The following KCNQ5 variants were observed in gnomAD, a reference collection of about 807,000 sequenced individuals.
KCNQ5 encodes potassium voltage-gated channel subfamily KQT member 5.
Under a neutral mutation model 98.2 loss-of-function variants are expected in KCNQ5, and 30 were observed. That is an observed-to-expected ratio of 0.31 (90% confidence interval 0.23 to 0.41). The LOEUF (loss-of-function observed/expected upper bound fraction) is 0.41, where lower values mean the gene tolerates loss of function less well. Among genes scored for constraint, KCNQ5 ranks in the 10% least tolerant of loss-of-function variants. The pLI is 1.00. For missense variants in KCNQ5, 835 were observed against 1,182.5 expected, an observed-to-expected ratio of 0.71 and a Z score of 4.31; for synonymous variants, 458 against 449.4, an observed-to-expected ratio of 1.02 and a Z score of -0.24.
At chr6:72,693,267 G>A (rs918911630) in intron 1 of KCNQ5, among the ~76,000 whole-genome samples, 3 of 152,134 alleles carry the variant, frequency 2.0e-5, no homozygotes, top group Admixed American at 2.0e-4. Flanking sequence ...TGGAAGGAGT[G>A]TTTAGAGAGT....
At chr6:72,623,421 T>TGTGTGTGTG (rs1052475413) in intron 1 of KCNQ5, among the ~76,000 whole-genome samples, 4 of 151,862 alleles carry the variant, frequency 2.6e-5, no homozygotes, top group Admixed American at 6.6e-5. Context: ...TGTGTGTGTG[T>TGTGTGTGTG]GTGTGTAGTA....
At chr6:72,756,757 T>A (rs1465611666) in intron 1 of KCNQ5, among the ~76,000 whole-genome samples, 1 of 152,106 alleles carries the variant, frequency 6.6e-6, no homozygotes, top group African/African-American at 2.4e-5. Flanking sequence ...TTTATTCCTA[T>A]AAATATTATA....
intron 10 of KCNQ5, among the ~76,000 whole-genome samples, chr6:73,167,521 T>G (rs1777852209): frequency 6.6e-6 from 1 of 152,232 alleles, no homozygotes; most frequent in Non-Finnish European, 1.5e-5. Flanking sequence ...CTCCAAGCCT[T>G]AATTTCTGCA....
chr6:73,188,982 CAAAAAAAAAA>C (rs67431655), intron 11 of KCNQ5, among the ~76,000 whole-genome samples: 2 of 82,426 alleles, frequency 2.4e-5, no homozygotes, highest in Non-Finnish European at 4.7e-5. Context: ...GACTCTGTCT[CAAAAAAAAAA>C]AAAAAAAAAA....
chr6:72,862,423 A>G (rs1480101332), intron 1 of KCNQ5, among the ~76,000 whole-genome samples: 1 of 152,210 alleles, frequency 6.6e-6, no homozygotes, highest in Non-Finnish European at 1.5e-5. Flanking sequence ...TGATTCCCGT[A>G]GTGTTCCAAA....
At chr6:73,136,261 G>A (rs574440258) in intron 10 of KCNQ5, 1 of 152,284 alleles carries the variant, frequency 6.6e-6, no homozygotes, top group African/African-American at 2.4e-5. Flanking sequence ...CTTACTGTTG[G>A]CTGAGCATAT....
At chr6:73,142,041 G>A (rs1776735496) in intron 10 of KCNQ5, among the ~76,000 whole-genome samples, 1 of 152,178 alleles carries the variant, frequency 6.6e-6, no homozygotes, top group East Asian at 1.9e-4. Context: ...TTGCTAGCAG[G>A]CCTTTTATTT....
chr6:72,970,368 A>T (rs1359043062), intron 1 of KCNQ5, among the ~76,000 whole-genome samples: 1 of 152,226 alleles, frequency 6.6e-6, no homozygotes, highest in Non-Finnish European at 1.5e-5. Context: ...TGGATTAAGT[A>T]TCTAAACCTT....
intron 1 of KCNQ5, among the ~76,000 whole-genome samples, chr6:72,700,321 A>G (rs989393349): frequency 3.3e-5 from 5 of 151,870 alleles, no homozygotes; most frequent in East Asian, 1.9e-4. Context: ...CTATCTATCT[A>G]TCTATCTATC....
intron 1 of KCNQ5, among the ~76,000 whole-genome samples, chr6:72,712,496 T>C (rs75571079): frequency 0.012 from 1,764 of 152,304 alleles, 26 homozygotes; most frequent in African/African-American, 0.036. Context: ...TCTAATAAGA[T>C]TTAATTTATT....
At chr6:72,909,333 T>G (rs1291942808) in intron 1 of KCNQ5, among the ~76,000 whole-genome samples, 2 of 152,110 alleles carry the variant, frequency 1.3e-5, no homozygotes, top group Non-Finnish European at 2.9e-5. Context: ...ACAGAAGCAG[T>G]AATAGCAGAG....
chr6:72,910,727 G>T (rs1187876384), intron 1 of KCNQ5, among the ~76,000 whole-genome samples: 1 of 151,768 alleles, frequency 6.6e-6, no homozygotes, highest in Non-Finnish European at 1.5e-5. Flanking sequence ...CTGTGTCTCT[G>T]GATAACTACA....
chr6:72,807,985 T>C (rs965248284), intron 1 of KCNQ5, among the ~76,000 whole-genome samples: 8 of 152,172 alleles, frequency 5.3e-5, no homozygotes, highest in Non-Finnish European at 1.2e-4. Context: ...AAGTAGGTAG[T>C]GTTAAATAAC....
intron 1 of KCNQ5, among the ~76,000 whole-genome samples, chr6:72,654,143 A>G (rs1565059420): frequency 6.6e-6 from 1 of 152,144 alleles, no homozygotes; most frequent in East Asian, 1.9e-4. Flanking sequence ...GGAAATACAG[A>G]GAAATGACAT....
intron 2 of KCNQ5, among the ~76,000 whole-genome samples, chr6:73,035,025 T>C (rs1465700700): frequency 6.6e-6 from 1 of 151,990 alleles, no homozygotes; most frequent in Middle Eastern, 3.2e-3. Context: ...TTTTGTATTT[T>C]TAGTAGAGAC....
At chr6:73,001,486 T>C (rs1769567522) in intron 1 of KCNQ5, among the ~76,000 whole-genome samples, 1 of 152,200 alleles carries the variant, frequency 6.6e-6, no homozygotes, top group Non-Finnish European at 1.5e-5. Flanking sequence ...ATAAGATGTG[T>C]TTCGAGCACA....
At chr6:73,026,730 T>C (rs550113456) in intron 2 of KCNQ5, among the ~76,000 whole-genome samples, 17 of 152,192 alleles carry the variant, frequency 1.1e-4, no homozygotes, top group Non-Finnish European at 1.9e-4. Flanking sequence ...GCTTATTTTA[T>C]TTAACAGAGT....
At chr6:73,125,274 G>C in intron 9 of KCNQ5, 1 of 329,282 alleles carries the variant, frequency 3.0e-6, no homozygotes, top group Admixed American at 3.5e-5. Flanking sequence ...ATTAAACCTA[G>C]AGGGAATACG....
chr6:73,186,241 G>A (rs117456756), intron 11 of KCNQ5, among the ~76,000 whole-genome samples: 4,706 of 151,568 alleles, frequency 0.031, 110 homozygotes, highest in East Asian at 0.11. Flanking sequence ...AAAAAAAAGA[G>A]AAAAAGAAAG....
Sources: allele counts gnomAD v4.1 joint callset (sites outside exome capture counted in the v4.1 genomes callset), GRCh38; gene constraint gnomAD v4.1.1; transcripts MANE v1.5; gene names NCBI Gene and HGNC (gene_info 2026-07-23, HGNC 2026-07-21).